Variants in ROBO1 observed in about 807,000 individuals in gnomAD.
The protein encoded by ROBO1 is roundabout guidance receptor 1.
ROBO1 carries 149 observed loss-of-function variants against 195.9 expected under a neutral mutation model. The ratio of observed to expected loss-of-function variants is 0.76; its 90% CI spans 0.67 to 0.87. The LOEUF (loss-of-function observed/expected upper bound fraction) is 0.87. ROBO1 is among the 40% of genes least tolerant of loss of function. ROBO1 has a pLI of 0.00. For synonymous variants in ROBO1, 816 were observed against 733.2 expected (o/e 1.11, Z -1.82); for missense variants, 1,933 against 2,068.3 (o/e 0.93, Z 1.27).
chr3:79,663,609 A>G (rs1364557950), intron 1 of ROBO1, among the ~76,000 whole-genome samples: 2 of 152,012 alleles, frequency 1.3e-5, no homozygotes, highest in Non-Finnish European at 2.9e-5. Flanking sequence ...CAGCCTCCCA[A>G]GTAGCTGAGG....
chr3:78,680,575 T>G (rs2080873746), intron 10 of ROBO1, among the ~76,000 whole-genome samples: 1 of 151,658 alleles, frequency 6.6e-6, no homozygotes, highest in Admixed American at 6.6e-5. Flanking sequence ...AAACAACACA[T>G]GAAAAAATGC....
intron 1 of ROBO1, among the ~76,000 whole-genome samples, chr3:79,700,317 T>TTGTGTGTGTGTGTTTGTGTGTG (rs1947583071): frequency 6.9e-6 from 1 of 144,150 alleles, no homozygotes; most frequent in Non-Finnish European, 1.5e-5. Flanking sequence ...GTGTGTGTGT[T>TTGTGTGTGTGTGTTTGTGTGTG]TGTGTGTGTG....
intron 1 of ROBO1, among the ~76,000 whole-genome samples, chr3:79,698,250 T>C (rs1947504685): frequency 6.6e-6 from 1 of 151,478 alleles, no homozygotes; most frequent in Non-Finnish European, 1.5e-5. Context: ...TTAGTAGCAA[T>C]AAATAATGGA....
At chr3:79,258,021 C>T (rs1008865637) in intron 2 of ROBO1, among the ~76,000 whole-genome samples, 1 of 151,996 alleles carries the variant, frequency 6.6e-6, no homozygotes, top group Non-Finnish European at 1.5e-5. Flanking sequence ...TGGGATGTGT[C>T]CCATTCCAAC....
intron 2 of ROBO1, among the ~76,000 whole-genome samples, chr3:79,422,317 T>A (rs1462323873): frequency 1.3e-5 from 2 of 151,930 alleles, no homozygotes; most frequent in Non-Finnish European, 2.9e-5. Context: ...CTTTGTCCAA[T>A]GTGTCAGCTC....
chr3:78,850,241 C>T (rs990006646), intron 4 of ROBO1, among the ~76,000 whole-genome samples: 1 of 152,132 alleles, frequency 6.6e-6, no homozygotes, highest in African/African-American at 2.4e-5. Flanking sequence ...TCTGGGATGG[C>T]ATTGAGCATT....
chr3:78,651,354 A>C (rs909874369), intron 19 of ROBO1, among the ~76,000 whole-genome samples: 1 of 152,186 alleles, frequency 6.6e-6, no homozygotes, highest in Non-Finnish European at 1.5e-5. Context: ...CTCCCCTGAA[A>C]CCATGTGAGA....
chr3:79,147,013 T>C (rs2080666818), intron 2 of ROBO1, among the ~76,000 whole-genome samples: 1 of 151,944 alleles, frequency 6.6e-6, no homozygotes, highest in African/African-American at 2.4e-5. Context: ...TGCAAATAAG[T>C]ATTAACATAT....
At chr3:79,612,288 T>C (rs1409722226) in intron 1 of ROBO1, among the ~76,000 whole-genome samples, 3 of 149,484 alleles carry the variant, frequency 2.0e-5, no homozygotes, top group Non-Finnish European at 4.4e-5. Flanking sequence ...TGTTTGGTTT[T>C]TTGTTCTTGC....
intron 19 of ROBO1, among the ~76,000 whole-genome samples, chr3:78,650,238 T>C (rs772903735): frequency 1.3e-5 from 2 of 152,152 alleles, no homozygotes; most frequent in Non-Finnish European, 2.9e-5. Flanking sequence ...TTTGTATACA[T>C]AATGAGCACC....
chr3:79,018,572 G>A (rs2078015925), intron 3 of ROBO1: 3 of 1,518,954 alleles, frequency 2.0e-6, no homozygotes, highest in African/African-American at 1.4e-5. Flanking sequence ...TATAAGCAAC[G>A]TGGGTCAATT....
At chr3:79,196,740 C>A (rs2081644896) in intron 2 of ROBO1, among the ~76,000 whole-genome samples, 1 of 151,760 alleles carries the variant, frequency 6.6e-6, no homozygotes, top group African/African-American at 2.4e-5. Context: ...CCAACACTTG[C>A]AGACTATCAA....
At chr3:79,438,367 C>T (rs1334754143) in intron 2 of ROBO1, among the ~76,000 whole-genome samples, 1 of 151,768 alleles carries the variant, frequency 6.6e-6, no homozygotes, top group African/African-American at 2.4e-5. Flanking sequence ...CAAAAAAAGT[C>T]ATAACAATAC....
chr3:79,137,468 C>T (rs2080433716), intron 2 of ROBO1, among the ~76,000 whole-genome samples: 1 of 151,452 alleles, frequency 6.6e-6, no homozygotes, highest in Non-Finnish European at 1.5e-5. Context: ...GATTAGATAA[C>T]TGAATGAATC....
At chr3:79,735,870 C>CAAA (rs1220855864) in intron 1 of ROBO1, among the ~76,000 whole-genome samples, 16 of 70,718 alleles carry the variant, frequency 2.3e-4, no homozygotes, top group African/African-American at 9.2e-4. Flanking sequence ...GACTCCGTCT[C>CAAA]AAAAAAAAAA....
intron 1 of ROBO1, among the ~76,000 whole-genome samples, chr3:79,662,699 C>T (rs1188802960): frequency 6.6e-6 from 1 of 152,048 alleles, no homozygotes; most frequent in African/African-American, 2.4e-5. Flanking sequence ...CTCTCAAATT[C>T]CCAGTGGACC....
intron 2 of ROBO1, among the ~76,000 whole-genome samples, chr3:79,141,303 T>C (rs1488501424): frequency 1.3e-5 from 2 of 152,142 alleles, no homozygotes; most frequent in South Asian, 2.1e-4. Flanking sequence ...TAAGGTTGCA[T>C]TCACTCAACT....
intron 22 of ROBO1, 58 bp downstream of exon 22, chr3:78,639,686 T>C (rs1310842121): frequency 6.8e-7 from 1 of 1,470,466 alleles, no homozygotes; most frequent in Non-Finnish European, 9.2e-7. Context: ...AAAGAAAAGA[T>C]CTTCTGGCTA....
chr3:79,658,290 T>A (rs1357363194), intron 1 of ROBO1, among the ~76,000 whole-genome samples: 1 of 152,144 alleles, frequency 6.6e-6, no homozygotes, highest in Non-Finnish European at 1.5e-5. Flanking sequence ...CACAATGTTC[T>A]GATGTTACAG....
Sources: allele counts gnomAD v4.1 joint callset (sites outside exome capture counted in the v4.1 genomes callset), GRCh38; gene constraint gnomAD v4.1.1; transcripts MANE v1.5; gene names NCBI Gene and HGNC (gene_info 2026-07-23, HGNC 2026-07-21).